KDM2A: variants seen among roughly 807,000 people sequenced by gnomAD.
KDM2A encodes lysine demethylase 2A, also known as lysine-specific demethylase 2A.
A neutral mutation model predicts 137.3 loss-of-function variants in KDM2A; 3 were observed. The ratio of observed to expected loss-of-function variants is 0.02; its 90% CI spans 0.01 to 0.06. The LOEUF (loss-of-function observed/expected upper bound fraction) is 0.06, where lower values mean the gene tolerates loss of function less well. KDM2A is among the 10% of genes least tolerant of loss of function. The pLI, the probability that KDM2A is intolerant of heterozygous loss-of-function variation, is 1.00. For synonymous variants in KDM2A, 512 were observed against 541.5 expected, an observed-to-expected ratio of 0.95 and a Z score of 0.76; for missense variants, 738 against 1,510.6, an observed-to-expected ratio of 0.49 and a Z score of 8.48.
chr11:67,202,643 G>A (rs1254716443), intron 5 of KDM2A, among the ~76,000 whole-genome samples: 2 of 152,044 alleles, frequency 1.3e-5, no homozygotes, highest in African/African-American at 4.8e-5. Flanking sequence ...AGGCATGGTG[G>A]CAGGCACCTG....
At chr11:67,218,210 T>G (rs1161466891) in intron 9 of KDM2A, among the ~76,000 whole-genome samples, 1 of 152,244 alleles carries the variant, frequency 6.6e-6, no homozygotes, top group Non-Finnish European at 1.5e-5. Flanking sequence ...GTTGAAGAAC[T>G]GCCTACTATT....
chr11:67,135,747 G>A (rs1055906498), intron 2 of KDM2A, among the ~76,000 whole-genome samples: 3 of 152,090 alleles, frequency 2.0e-5, no homozygotes, highest in South Asian at 4.1e-4. Context: ...TTAGTCTTTT[G>A]ATCATCACCA....
At chr11:67,234,899 C>T (rs1858821468) in intron 12 of KDM2A, among the ~76,000 whole-genome samples, 1 of 151,964 alleles carries the variant, frequency 6.6e-6, no homozygotes, top group Non-Finnish European at 1.5e-5. Flanking sequence ...GTAGTCCCAG[C>T]ACTTTGGGAA....
intron 12 of KDM2A, among the ~76,000 whole-genome samples, chr11:67,241,886 T>G (rs1038359009): frequency 6.6e-6 from 1 of 152,032 alleles, no homozygotes; most frequent in African/African-American, 2.4e-5. Context: ...CTGGCCAACA[T>G]GGTGAAACTC....
intron 10 of KDM2A, among the ~76,000 whole-genome samples, chr11:67,224,784 A>G (rs1180690127): frequency 8.2e-6 from 1 of 121,608 alleles, no homozygotes; most frequent in Admixed American, 8.9e-5. Context: ...TCCCTTTCTC[A>G]TTTTCCCCAA....
chr11:67,172,981 A>G (rs1010620250), intron 2 of KDM2A, among the ~76,000 whole-genome samples: 5 of 151,972 alleles, frequency 3.3e-5, no homozygotes, highest in Admixed American at 6.6e-5. Flanking sequence ...AATGTGATGC[A>G]CTGGTTTTTA....
intron 6 of KDM2A, among the ~76,000 whole-genome samples, chr11:67,207,996 A>T (rs1857863172): frequency 6.6e-6 from 1 of 152,208 alleles, no homozygotes; most frequent in Non-Finnish European, 1.5e-5. Context: ...GCACCACTGC[A>T]TTCCAGCCTG....
Position 67,207,614 on chromosome 11 carries a change from G to A in KDM2A, c.412G>A (p.Glu138Lys). Residue 138 changes from glutamate to lysine, a missense_variant, in exon 6 of 21, where the codon GAG becomes AAG. Around this residue, in one of 9 missense-constraint regions of KDM2A, gnomAD observed 74 missense variants for 181.8 expected, o/e 0.41. Transcript: ENST00000529006. ...CTATGAGACCCCAGAGGAGGAGCGAGAGAAACTCTATAATGTCATCAGCCT... is the reference window on the plus strand; with the variant it reads ...CTATGAGACCCCAGAGGAGGAGCGAAAGAAACTCTATAATGTCATCAGCCT... ...RYYETPEEER[E>K]KLYNVISLEF... is the part of the protein sequence containing the mutation. The A allele has an allele frequency of 6.2e-7, 1 of 1,613,814 alleles. No homozygotes were observed. The highest frequency in any genetic ancestry group is 8.5e-7 in the Non-Finnish European group (1 of 1,179,828).
At chr11:67,130,808 C>A (rs1855837904) in intron 2 of KDM2A, among the ~76,000 whole-genome samples, 1 of 151,652 alleles carries the variant, frequency 6.6e-6, no homozygotes, top group Non-Finnish European at 1.5e-5. Context: ...TATATATTAC[C>A]TTATTTAATT....
chr11:67,240,098 G>A (rs1858982735), intron 12 of KDM2A: 1 of 1,373,952 alleles, frequency 7.3e-7, no homozygotes, highest in South Asian at 1.8e-5. Context: ...AGCATTGTTC[G>A]CAGGCACAGG....
intron 2 of KDM2A, among the ~76,000 whole-genome samples, chr11:67,158,944 G>A (rs889339613): frequency 6.6e-6 from 1 of 152,072 alleles, no homozygotes; most frequent in Non-Finnish European, 1.5e-5. Context: ...TGTGTTTTGC[G>A]CATTTCTCCC....
At chr11:67,166,429 G>A (rs556610129) in intron 2 of KDM2A, among the ~76,000 whole-genome samples, 2 of 151,958 alleles carry the variant, frequency 1.3e-5, no homozygotes, top group Non-Finnish European at 2.9e-5. Flanking sequence ...CAAGTGATCC[G>A]CCCGCCTTGG....
At chr11:67,139,624 C>G (rs1855907091) in intron 2 of KDM2A, among the ~76,000 whole-genome samples, 1 of 152,110 alleles carries the variant, frequency 6.6e-6, no homozygotes, top group African/African-American at 2.4e-5. Flanking sequence ...AGTGATCCTT[C>G]TGCCTCAGCC....
chr11:67,131,061 C>T (rs958684652), intron 2 of KDM2A, among the ~76,000 whole-genome samples: 5 of 152,078 alleles, frequency 3.3e-5, no homozygotes, highest in African/African-American at 4.8e-5. Flanking sequence ...CAGTGGCTCA[C>T]GCCTGTAATC....
chr11:67,144,355 T>C (rs1439120948), intron 2 of KDM2A, among the ~76,000 whole-genome samples: 6 of 151,126 alleles, frequency 4.0e-5, no homozygotes, highest in African/African-American at 2.4e-5. Flanking sequence ...TGGGTTCAAC[T>C]GATTCTCCTG....
intron 5 of KDM2A, among the ~76,000 whole-genome samples, chr11:67,198,728 T>C (rs2136363598): frequency 6.6e-6 from 1 of 151,280 alleles, no homozygotes; most frequent in African/African-American, 2.4e-5. Context: ...AAAAAAAGCT[T>C]TTCATTATTA....
chr11:67,122,953 G>C (rs548729685), intron 2 of KDM2A, among the ~76,000 whole-genome samples: 2 of 152,030 alleles, frequency 1.3e-5, no homozygotes, highest in East Asian at 3.9e-4. Flanking sequence ...GGGATTACAG[G>C]TGTGAGCCAC....
intron 2 of KDM2A, among the ~76,000 whole-genome samples, chr11:67,124,614 CTTTTTTTTTTT>C (rs34517858): frequency 1.8e-5 from 2 of 112,688 alleles, no homozygotes; most frequent in South Asian, 3.1e-4. Flanking sequence ...GCCTGGCCCA[CTTTTTTTTTTT>C]TTTTTTTTTT....
At chr11:67,228,706 A>G (rs1858621519) in intron 11 of KDM2A, among the ~76,000 whole-genome samples, 1 of 151,616 alleles carries the variant, frequency 6.6e-6, no homozygotes, top group Non-Finnish European at 1.5e-5. Flanking sequence ...AAAAAAAAGA[A>G]AGAAAGAACG....
Sources: allele counts gnomAD v4.1 joint callset (sites outside exome capture counted in the v4.1 genomes callset), GRCh38; gene constraint gnomAD v4.1.1; regional missense constraint gnomAD v4.1.1; transcripts MANE v1.5; gene names NCBI Gene and HGNC (gene_info 2026-07-23, HGNC 2026-07-21).